NSMAF: variants seen among roughly 807,000 people sequenced by gnomAD.
NSMAF encodes the protein neutral sphingomyelinase activation associated factor, also known as protein FAN.
Under a neutral mutation model 134.9 loss-of-function variants are expected in NSMAF, and 90 were observed. The ratio of observed to expected loss-of-function variants is 0.67; its 90% confidence interval spans 0.56 to 0.79. The LOEUF is 0.79. Ranked by LOEUF, NSMAF falls within the 30% of genes least tolerant of loss-of-function variation. The pLI is 0.00. For synonymous variants in NSMAF, 358 were observed against 389.6 expected (o/e 0.92, Z 0.96); for missense variants, 1,010 against 1,119.0 (o/e 0.90, Z 1.39).
At chr8:58,588,136 T>C (rs139325712) in intron 26 of NSMAF, among the ~76,000 whole-genome samples, 1 of 152,316 alleles carries the variant, frequency 6.6e-6, no homozygotes, top group African/African-American at 2.4e-5. Context: ...TCTAACAATT[T>C]TAGGTTCTTG....
At chr8:58,586,107 T>A (rs368474924) in intron 28 of NSMAF, 107 bp from the exon 29 acceptor site, 2 of 874,546 alleles carry the variant, frequency 2.3e-6, no homozygotes, top group African/African-American at 3.3e-5. Context: ...ACATTCGTTT[T>A]CTTCAAAATC....
At chr8:58,603,850 C>G (rs1421504437) in intron 12 of NSMAF, among the ~76,000 whole-genome samples, 1 of 152,016 alleles carries the variant, frequency 6.6e-6, no homozygotes, top group Non-Finnish European at 1.5e-5. Flanking sequence ...GCTAATTTGT[C>G]AATGACTACA....
rs144708345 is a variant in NSMAF at position 58,606,052 on chromosome 8, A to AAAATAATAAAAT, written c.760-29_760-18dup. On this transcript the variant is annotated splice_polypyrimidine_tract_variant and intron_variant, in intron 11 of 30. Coordinates refer to ENST00000038176, the MANE Select transcript of NSMAF (RefSeq NM_003580.4). ...TTCCAAGCCCTATAAATTCAAAAAG[A>AAAATAATAAAAT]AAATAATAAAATAAATAGCATTGTA... is the stretch of plus-strand genomic sequence containing the variant. 0.26 allele frequency: 389,460 copies of AAAATAATAAAAT among 1,476,080 alleles called. 59,535 individuals carry two copies. The highest frequency in any genetic ancestry group is 0.28 in the Non-Finnish European group (303,818 of 1,093,834). 91.4% of individuals were successfully genotyped at this position (1,476,080 alleles called of 1,614,324 possible). A position where few individuals can be genotyped will look rare whatever the true frequency, so the allele number is the denominator to read the frequency against.
chr8:58,635,551 G>A lies in NSMAF; in HGVS notation c.150-5C>T, dbSNP rs76597186. 0.062 allele frequency: 96,967 copies of A among 1,570,674 alleles called. 3,324 individuals carry two copies. The highest frequency in any genetic ancestry group is 0.11 in the African/African-American group (7,915 of 73,156). ...TTTAAGGAGCCTCTGATTTTCCTAG[G>A]GATCCAAGTACAACAGATTGTTTGA... On this transcript the variant is annotated splice_polypyrimidine_tract_variant and splice_region_variant and intron_variant, in intron 2 of 30. Transcript: ENST00000038176.
Position 58,623,723 on chromosome 8 carries a change from C to A in NSMAF, c.442G>T (p.Glu148Ter), listed in dbSNP as rs1167710696. The A allele has an allele frequency of 6.2e-7, 1 of 1,614,066 alleles. No individual in the cohort carries two copies. Among genetic ancestry groups the A allele is most frequent in the South Asian group, 1.1e-5 (1 of 91,068 alleles). ...DVPGKVEDVV[E>*]TLLQLHRASC... ...CAAGTGCTTACCTGAAGCAACGTCT[C>A]CACAACATCTTCCACTTTCCCGGGA... The change falls in exon 7 of 31, where the codon GAG becomes TAG. Residue 148 changes from glutamate to a stop codon, truncating the protein, a stop_gained. Transcript: ENST00000038176. LOFTEE classifies it high-confidence loss of function.
intron 6 of NSMAF, among the ~76,000 whole-genome samples, chr8:58,630,882 C>T (rs1033499270): frequency 3.9e-5 from 6 of 152,158 alleles, no homozygotes; most frequent in African/African-American, 1.4e-4. Context: ...CTAATTCACT[C>T]GGATGTCATT....
chr8:58,626,771 T>A (rs550950783), intron 6 of NSMAF, among the ~76,000 whole-genome samples: 1 of 152,354 alleles, frequency 6.6e-6, no homozygotes, highest in South Asian at 2.1e-4. Flanking sequence ...TTTAATTCTT[T>A]AAGGAATCTC....
chr8:58,595,210 C>G (rs1806108777), intron 22 of NSMAF, among the ~76,000 whole-genome samples: 1 of 152,088 alleles, frequency 6.6e-6, no homozygotes, highest in Non-Finnish European at 1.5e-5. Flanking sequence ...ATCCAACACT[C>G]GTGGGGTATA....
chr8:58,584,236 AC>A, intron 30 of NSMAF, 36 bp from the exon 31 acceptor site: 1 of 1,446,382 alleles, frequency 6.9e-7, no homozygotes, highest in Non-Finnish European at 9.7e-7. Context: ...TAGGAAGTTG[AC>A]CAGGAGGCAC....
rs1806162858 is a variant in NSMAF at position 58,597,445 on chromosome 8, T to G, written c.1734A>C (p.Pro578=). 1 of 1,614,076 alleles carries G rather than the reference T, an allele frequency of 6.2e-7. No homozygotes were observed. The highest frequency in any genetic ancestry group is 1.3e-5 in the African/African-American group (1 of 74,946). The change falls in exon 21 of 31, where the codon CCA becomes CCC. Residue 578 remains proline, a synonymous_variant. Coordinates refer to ENST00000038176, the MANE Select transcript of NSMAF (RefSeq NM_003580.4). ...FVTPHPRRIT[P]KFKSLSQTSS... is the part of the protein sequence containing the mutation. ...AGGTCTGGGACAAACTTTTAAACTT[T>G]GGGGTGATCCTTCGAGGATGTGGTG...
chr8:58,589,533 T>G lies in NSMAF; in HGVS notation c.2130A>C (p.Leu710Phe). The G allele has an allele frequency of 6.3e-7, 1 of 1,575,510 alleles. No homozygotes were observed. The highest frequency in any genetic ancestry group is 2.3e-5 in the East Asian group (1 of 42,802). Reference sequence around the variant, plus strand: ...TACTAACAGCATCATCATGTCCCATTAACGTGTCCTGGCGTCTTCCAAATG... The same window carrying G: ...TACTAACAGCATCATCATGTCCCATGAACGTGTCCTGGCGTCTTCCAAATG... ...SIAFGRRQDTLMGHDDAVSKI... is the reference protein window; with the variant it reads ...SIAFGRRQDTFMGHDDAVSKI... Residue 710 changes from leucine to phenylalanine, a missense_variant, in exon 26 of 31, where the codon TTA (leucine) becomes TTC (phenylalanine). By Grantham distance (22) the Leu-to-Phe change is conservative. Transcript: ENST00000038176.
At chr8:58,602,004 C>G in intron 14 of NSMAF, 54 bp downstream of exon 14, 1 of 1,379,116 alleles carries the variant, frequency 7.3e-7, no homozygotes, top group Non-Finnish European at 1.0e-6. Context: ...CATAAAAACA[C>G]AGGCCATGGC....
intron 25 of NSMAF, 25 bp downstream of exon 25, chr8:58,589,982 C>A: frequency 6.2e-7 from 1 of 1,602,292 alleles, no homozygotes; most frequent in Non-Finnish European, 8.5e-7. Flanking sequence ...CGTCGAATCA[C>A]AGAGCAGGGT....
intron 13 of NSMAF, 144 bp downstream of exon 13, chr8:58,603,066 T>C: frequency 1.3e-6 from 1 of 774,544 alleles, no homozygotes; most frequent in Non-Finnish European, 2.1e-6. Context: ...AAATTGGCAG[T>C]CCTTAGCAAT....
chr8:58,620,343 A>G (rs1355026935), intron 9 of NSMAF, among the ~76,000 whole-genome samples: 1 of 152,164 alleles, frequency 6.6e-6, no homozygotes. Context: ...GTAAGAGACA[A>G]TGTGGCACAA....
intron 30 of NSMAF, among the ~76,000 whole-genome samples, chr8:58,585,317 G>GTTATTTTTTTTTTT (rs1554572269): frequency 8.8e-4 from 127 of 144,344 alleles, no homozygotes; most frequent in African/African-American, 2.9e-3. Flanking sequence ...TTGTTTCTGG[G>GTTATTTTTTTTTTT]TTTTTTTTTT....
rs1806176441 is a variant in NSMAF, at chr8:58,597,921, A to C, written c.1586-19T>G. On this transcript the variant is annotated intron_variant, in intron 19 of 30. Transcript: ENST00000038176. Reference sequence around the variant, plus strand: ...TGAAATACTGAAAAAGACATACAAAACACTATTGAAAGATGTGCTATTTCA... The same window carrying C: ...TGAAATACTGAAAAAGACATACAAACCACTATTGAAAGATGTGCTATTTCA... The C allele has an allele frequency of 6.3e-7, 1 of 1,582,956 alleles. No individual in the cohort carries two copies. The highest frequency in any genetic ancestry group is 1.3e-5 in the African/African-American group (1 of 74,352).
intron 2 of NSMAF, among the ~76,000 whole-genome samples, chr8:58,641,437 T>C (rs1585760593): frequency 6.6e-6 from 1 of 152,044 alleles, no homozygotes; most frequent in African/African-American, 2.4e-5. Flanking sequence ...CTGTCTCCAC[T>C]AGCTTTTAGT....
chr8:58,645,688 A>T (rs1361066358), intron 1 of NSMAF, among the ~76,000 whole-genome samples: 2 of 152,180 alleles, frequency 1.3e-5, no homozygotes, highest in African/African-American at 4.8e-5. Flanking sequence ...AAAAGGCTAC[A>T]ATTAATATCC....
Sources: allele counts gnomAD v4.1 joint callset (sites outside exome capture counted in the v4.1 genomes callset), GRCh38; gene constraint gnomAD v4.1.1; transcripts MANE v1.5; gene names NCBI Gene and HGNC (gene_info 2026-07-23, HGNC 2026-07-21).